BAIAP2L1: variants seen among roughly 807,000 people sequenced by gnomAD.
BAIAP2L1 encodes BAR/IMD domain containing adaptor protein 2 like 1.
Under a neutral mutation model 66.3 loss-of-function variants are expected in BAIAP2L1, and 35 were observed. The ratio of observed to expected loss-of-function variants is 0.53; its 90% CI spans 0.40 to 0.70. BAIAP2L1 has a LOEUF of 0.70. Ranked by LOEUF, BAIAP2L1 falls within the 30% of genes least tolerant of loss-of-function variation. The pLI is 0.00. For missense variants in BAIAP2L1, 622 were observed against 656.9 expected, an observed-to-expected ratio of 0.95 and a Z score of 0.58; for synonymous variants, 269 against 248.7, an observed-to-expected ratio of 1.08 and a Z score of -0.77.
chr7:98,303,175 C>T (rs894629012), intron 12 of BAIAP2L1, among the ~76,000 whole-genome samples: 6 of 152,168 alleles, frequency 3.9e-5, no homozygotes, highest in African/African-American at 1.4e-4. Flanking sequence ...GTCTACGTTC[C>T]CAGACTCCTC....
intron 1 of BAIAP2L1, among the ~76,000 whole-genome samples, chr7:98,367,936 T>C (rs1802424904): frequency 6.6e-6 from 1 of 151,972 alleles, no homozygotes; most frequent in South Asian, 2.1e-4. Flanking sequence ...GTTTCATCAT[T>C]TCTATGAAAT....
intron 6 of BAIAP2L1, 129 bp downstream of exon 6, chr7:98,317,090 T>C (rs1046221413): frequency 8.4e-7 from 1 of 1,187,922 alleles, no homozygotes; most frequent in Non-Finnish European, 1.2e-6. Context: ...TGACCTCATA[T>C]GATCCTACTG....
chr7:98,387,914 C>A (rs933662104), intron 1 of BAIAP2L1, among the ~76,000 whole-genome samples: 1 of 151,986 alleles, frequency 6.6e-6, no homozygotes, highest in African/African-American at 2.4e-5. Context: ...ACCAAAAAAA[C>A]CTTCAAGGAC....
At chr7:98,332,899 G>GAGCCCTTGCCAGGACTCTCAA (rs1801533567) in intron 3 of BAIAP2L1, among the ~76,000 whole-genome samples, 1 of 150,938 alleles carries the variant, frequency 6.6e-6, no homozygotes, top group Admixed American at 6.6e-5. Flanking sequence ...TTAAGAGGTA[G>GAGCCCTTGCCAGGACTCTCAA]AGCCCTTGCC....
chr7:98,397,285 T>C (rs1803234256), intron 1 of BAIAP2L1, among the ~76,000 whole-genome samples: 1 of 150,510 alleles, frequency 6.6e-6, no homozygotes, highest in South Asian at 2.1e-4. Flanking sequence ...CCCTCGATGC[T>C]GCCACACCCG....
rs1170446556 is a variant in BAIAP2L1, at chr7:98,293,243, TAA to T, written c.*276_*277del. 8.2e-6 allele frequency: 3 copies of T among 365,490 alleles called. No individual in the cohort carries two copies. Among genetic ancestry groups the T allele is most frequent in the Non-Finnish European group, 1.5e-5 (3 of 202,738 alleles). 22.6% of individuals were successfully genotyped at this position (365,490 alleles called of 1,614,324 possible). A position where few individuals can be genotyped will look rare whatever the true frequency, so the allele number is the denominator to read the frequency against. On this transcript the variant is annotated 3_prime_UTR_variant, in exon 14 of 14. Transcript: ENST00000005260. ...GAAAAAATTCATTTAAAAAATACAGTAAAGATTGAAACCAAGTTTACTGTTTC... is the reference window on the plus strand; with the variant it reads ...GAAAAAATTCATTTAAAAAATACAGTAGATTGAAACCAAGTTTACTGTTTC...
At chr7:98,398,840 G>A (rs573312895) in intron 1 of BAIAP2L1, among the ~76,000 whole-genome samples, 3 of 152,290 alleles carry the variant, frequency 2.0e-5, no homozygotes, top group South Asian at 4.1e-4. Flanking sequence ...CTGGTCTCAA[G>A]TTGCAATCGC....
intron 3 of BAIAP2L1, among the ~76,000 whole-genome samples, chr7:98,343,597 T>C (rs1801800902): frequency 6.6e-6 from 1 of 152,202 alleles, no homozygotes; most frequent in Non-Finnish European, 1.5e-5. Context: ...CCCATGCTAC[T>C]GTGGTTGTTA....
intron 1 of BAIAP2L1, among the ~76,000 whole-genome samples, chr7:98,367,808 G>A (rs940906488): frequency 1.3e-4 from 20 of 151,924 alleles, no homozygotes; most frequent in Admixed American, 3.3e-4. Context: ...ATTTTTAATA[G>A]AGATGGGGTT....
intron 1 of BAIAP2L1, among the ~76,000 whole-genome samples, chr7:98,378,001 G>A (rs1242572152): frequency 6.6e-6 from 1 of 151,714 alleles, no homozygotes; most frequent in Non-Finnish European, 1.5e-5. Context: ...GCTGGGCATA[G>A]TGGCGCATGC....
rs1206265579 is a variant in BAIAP2L1 at position 98,397,015 on chromosome 7, AAAAC to A, written c.51+3783_51+3786del. ...TTTAAGTGCTTGGAATACAAAAACA[AAAAC>A]AAAGCTCATTGCCTTGTAGAGCTCA... On this transcript the variant is annotated intron_variant, in intron 1 of 13. Coordinates refer to ENST00000005260, the MANE Select transcript of BAIAP2L1 (RefSeq NM_018842.5). Among the ~76,000 whole-genome samples, 7 of 152,336 alleles carry A rather than the reference AAAAC, an allele frequency of 4.6e-5. No homozygotes were observed. In the East Asian group the frequency reaches 1.2e-3, roughly 25 times the overall value.
rs1264144353 is a variant in BAIAP2L1, at chr7:98,291,678, G to C, written c.*1843C>G. The C allele has an allele frequency of 3.4e-6, 1 of 291,674 alleles. No homozygotes were observed. The highest frequency in any genetic ancestry group is 2.3e-5 in the African/African-American group (1 of 43,832). The allele number at this position is 291,674 out of a possible 1,614,324, so 18.1% of individuals were successfully genotyped here. A position where few individuals can be genotyped will look rare whatever the true frequency, so the allele number is the denominator to read the frequency against. On this transcript the variant is annotated 3_prime_UTR_variant, in exon 14 of 14. Transcript: ENST00000005260. ...TTTCAAGTTCTGCTTTATTATTAAA[G>C]TTGTAATCCCTTGATATTTACAGAG...
chr7:98,351,344 C>T (rs746765837), intron 3 of BAIAP2L1, among the ~76,000 whole-genome samples: 57 of 152,324 alleles, frequency 3.7e-4, no homozygotes, highest in Non-Finnish European at 6.9e-4. Context: ...ACCTTTAATA[C>T]CAGAGATGCC....
intron 3 of BAIAP2L1, among the ~76,000 whole-genome samples, chr7:98,323,983 C>T (rs188724588): frequency 3.9e-5 from 6 of 152,132 alleles, no homozygotes; most frequent in Non-Finnish European, 8.8e-5. Context: ...GCTCTTAGTT[C>T]GGTAACCTAC....
intron 1 of BAIAP2L1, among the ~76,000 whole-genome samples, chr7:98,375,408 A>T (rs1266741171): frequency 6.6e-6 from 1 of 150,972 alleles, no homozygotes; most frequent in Non-Finnish European, 1.5e-5. Flanking sequence ...AAAAAAAAAA[A>T]ATTTGTGAGA....
At position 98,401,055 on chromosome 7, in the gene BAIAP2L1, G is replaced by C. The variant is rs1584515834; in HGVS notation, c.-203C>G. ...CGGCAGCGCCGCCCTGGCCTTCTTC[G>C]AGGAGCAGAGGAGAAGCGGCCGGAC... is the stretch of plus-strand genomic sequence containing the variant. On this transcript the variant is annotated 5_prime_UTR_variant, in exon 1 of 14. Transcript: ENST00000005260. 3 of 407,964 alleles carry C rather than the reference G, an allele frequency of 7.4e-6. No homozygotes were observed. Among genetic ancestry groups the C allele is most frequent in the South Asian group, 1.5e-4 (2 of 13,298 alleles). 25.3% of individuals were successfully genotyped at this position (407,964 alleles called of 1,614,324 possible).
rs538242534 is a variant in BAIAP2L1, at chr7:98,350,645, C to T, written c.214+4397G>A. On this transcript the variant is annotated intron_variant, in intron 3 of 13. Coordinates refer to ENST00000005260, the MANE Select transcript of BAIAP2L1 (RefSeq NM_018842.5). ...CTGCACTCCAGCCTGGGCGACAGAG[C>T]GAGACTTCGTCTCAAGAACAAAAAC... Among the ~76,000 whole-genome samples, 15 of 152,164 alleles carry T rather than the reference C, an allele frequency of 9.9e-5. No individual in the cohort carries two copies. The South Asian group carries it at 1.2e-3, about 13-fold the overall frequency.
intron 3 of BAIAP2L1, among the ~76,000 whole-genome samples, chr7:98,338,902 C>T (rs181716926): frequency 4.0e-5 from 6 of 151,882 alleles, no homozygotes; most frequent in East Asian, 1.9e-4. Flanking sequence ...GGAGAAACAC[C>T]GTCTCTACTA....
At chr7:98,318,945 C>CAAAAA in intron 5 of BAIAP2L1, among the ~76,000 whole-genome samples, 1 of 114,596 alleles carries the variant, frequency 8.7e-6, no homozygotes, top group Non-Finnish European at 1.7e-5. Context: ...GACTCCATCT[C>CAAAAA]AAAAAAAAAA....
Sources: gnomAD v4.1 joint callset for allele counts (sites outside exome capture counted in the v4.1 genomes callset) on GRCh38, gnomAD v4.1.1 for gene constraint, MANE v1.5 for transcripts, NCBI Gene and HGNC (gene_info 2026-07-23, HGNC 2026-07-21) for gene names.